ZMYM5: variants seen among roughly 807,000 people sequenced by gnomAD.
The protein encoded by ZMYM5 is zinc finger MYM-type containing 5, also known as zinc finger MYM-type protein 5.
A neutral mutation model predicts 61.8 loss-of-function variants in ZMYM5; 41 were observed. The ratio of observed to expected loss-of-function variants is 0.66; its 90% CI spans 0.52 to 0.86. The LOEUF (loss-of-function observed/expected upper bound fraction) is 0.86, where lower values mean the gene tolerates loss of function less well. ZMYM5 is among the 40% of genes least tolerant of loss of function. The pLI is 0.00. For synonymous variants in ZMYM5, 257 were observed against 276.4 expected, an observed-to-expected ratio of 0.93 and a Z score of 0.70; for missense variants, 706 against 786.7, an observed-to-expected ratio of 0.90 and a Z score of 1.23.
intron 7 of ZMYM5, among the ~76,000 whole-genome samples, chr13:19,834,973 C>T (rs1038629442): frequency 2.7e-5 from 4 of 149,784 alleles, no homozygotes; most frequent in Non-Finnish European, 4.4e-5. Flanking sequence ...GTGTTAGCCA[C>T]TGTGCCTGAT....
chr13:19,844,182 T>C (rs1368398091), intron 4 of ZMYM5, among the ~76,000 whole-genome samples: 1 of 149,882 alleles, frequency 6.7e-6, no homozygotes, highest in African/African-American at 2.5e-5. Flanking sequence ...GTGGTATGCA[T>C]ACCTGTAATC....
Position 19,851,966 on chromosome 13 carries a change from G to C in ZMYM5, c.215C>G (p.Ser72Cys). ...FIESIQPPSI[S>C]APAIADQRNF... Reference sequence around the variant, plus strand: ...TCTTTGATCAGCTATTGCTGGAGCAGAAATTGAAGGAGGTTGTATAGATTC... The same window carrying C: ...TCTTTGATCAGCTATTGCTGGAGCACAAATTGAAGGAGGTTGTATAGATTC... The change falls in exon 3 of 8, where the codon TCT becomes TGT. Residue 72 changes from serine (S) to cysteine (C), a missense_variant. Coordinates refer to ENST00000337963, the MANE Select transcript of ZMYM5 (RefSeq NM_001142684.2). 2.5e-6 allele frequency: 4 copies of C among 1,614,012 alleles called. No homozygotes were observed. Among genetic ancestry groups the C allele is most frequent in the Non-Finnish European group, 3.4e-6 (4 of 1,180,010 alleles).
At position 19,838,766 on chromosome 13, in the gene ZMYM5, G is replaced by C. The variant is rs200064159; in HGVS notation, c.806C>G (p.Ser269Cys). ...AGAGAAGGAAGAAAGGCAGGTGGTA[G>C]AGCAAAAGAGGTGAGCTGATCCTTT... ...QRKGSAHLFC[S>C]TTCLSSFSHK... The change falls in exon 5 of 8, where the codon TCT becomes TGT. Residue 269 changes from serine (S) to cysteine (C), a missense_variant. By Grantham distance (112) the Ser-to-Cys change is moderately radical (BLOSUM62 -1). Coordinates refer to ENST00000337963, the MANE Select transcript of ZMYM5 (RefSeq NM_001142684.2). 173 of 1,614,212 alleles carry C rather than the reference G, an allele frequency of 1.1e-4. No individual in the cohort carries two copies. Among genetic ancestry groups the C allele is most frequent in the Non-Finnish European group, 1.3e-4 (155 of 1,180,040 alleles).
At chr13:19,826,778 G>C (rs993521528) in intron 7 of ZMYM5, among the ~76,000 whole-genome samples, 1 of 149,194 alleles carries the variant, frequency 6.7e-6, no homozygotes, top group African/African-American at 2.5e-5. Flanking sequence ...AAAAAAAACT[G>C]TGTCCACACA....
At chr13:19,825,779 G>T (rs1890883748) in intron 7 of ZMYM5, among the ~76,000 whole-genome samples, 1 of 152,088 alleles carries the variant, frequency 6.6e-6, no homozygotes, top group Non-Finnish European at 1.5e-5. Flanking sequence ...GGTGACACAT[G>T]CCTATAATCC....
At chr13:19,825,304 T>C in intron 7 of ZMYM5, 69 bp from the exon 8 acceptor site, 1 of 1,148,354 alleles carries the variant, frequency 8.7e-7, no homozygotes. Flanking sequence ...ATTCAAATGC[T>C]CAATAAGCAC....
chr13:19,844,137 CAAAAAAAA>C (rs1228066138), intron 4 of ZMYM5, among the ~76,000 whole-genome samples: 1 of 65,542 alleles, frequency 1.5e-5, no homozygotes, highest in African/African-American at 5.0e-5. Context: ...GACTCCGTCT[CAAAAAAAA>C]AAAAAAAAAA....
chr13:19,830,329 C>G (rs1378031410), intron 7 of ZMYM5, among the ~76,000 whole-genome samples: 3 of 152,124 alleles, frequency 2.0e-5, no homozygotes, highest in Non-Finnish European at 4.4e-5. Context: ...AAATGTAAAA[C>G]ATTCTGATTA....
chr13:19,839,655 C>T (rs1008940075), intron 4 of ZMYM5, among the ~76,000 whole-genome samples: 3 of 152,138 alleles, frequency 2.0e-5, no homozygotes, highest in Admixed American at 6.6e-5. Flanking sequence ...GCATTACAGG[C>T]GTGAGCCACC....
At chr13:19,846,755 C>CT (rs557556647) in intron 4 of ZMYM5, among the ~76,000 whole-genome samples, 7 of 149,042 alleles carry the variant, frequency 4.7e-5, no homozygotes, top group Admixed American at 1.3e-4. Flanking sequence ...CAGTCCCCCC[C>CT]TTTTTTTTAA....
At chr13:19,834,328 ATATT>A (rs987116195) in intron 7 of ZMYM5, among the ~76,000 whole-genome samples, 41 of 149,032 alleles carry the variant, frequency 2.8e-4, no homozygotes, top group African/African-American at 7.8e-4. Flanking sequence ...TTTTCCAAAT[ATATT>A]TATTTTATAA....
At chr13:19,861,644 C>A (rs956901174) in intron 2 of ZMYM5, among the ~76,000 whole-genome samples, 1 of 151,982 alleles carries the variant, frequency 6.6e-6, no homozygotes, top group Non-Finnish European at 1.5e-5. Flanking sequence ...ACTGTTTGAT[C>A]AGGGTTGAAA....
intron 6 of ZMYM5, among the ~76,000 whole-genome samples, chr13:19,835,899 CTG>C (rs1952659732): frequency 6.6e-6 from 1 of 152,052 alleles, no homozygotes. Context: ...TCTCGGCTCA[CTG>C]CAACCTCTGC....
At chr13:19,841,815 C>T (rs547701560) in intron 4 of ZMYM5, 2 of 151,682 alleles carry the variant, frequency 1.3e-5, no homozygotes, top group East Asian at 3.9e-4. Flanking sequence ...AAATATAATC[C>T]TATTTTTTTT....
intron 2 of ZMYM5, among the ~76,000 whole-genome samples, chr13:19,858,891 T>A (rs186725576): frequency 1.8e-3 from 269 of 152,258 alleles, no homozygotes; most frequent in Non-Finnish European, 3.2e-3. Context: ...TTGAGAGATA[T>A]CTTCCCTCCC....
intron 7 of ZMYM5, among the ~76,000 whole-genome samples, chr13:19,826,046 T>TAAAAAAAAAAAAAAAAAAAAGAA (rs56181038): frequency 8.4e-6 from 1 of 118,890 alleles, no homozygotes; most frequent in Non-Finnish European, 1.7e-5. Flanking sequence ...ACTCCATGCT[T>TAAAAAAAAAAAAAAAAAAAAGAA]AAAAAAAAAA....
chr13:19,851,500 T>C, intron 3 of ZMYM5, 52 bp from the exon 4 acceptor site: 2 of 1,595,356 alleles, frequency 1.3e-6, no homozygotes, highest in South Asian at 1.1e-5. Flanking sequence ...CAAAATTACT[T>C]GACTGAAGTC....
chr13:19,858,460 T>C (rs1358349835), intron 2 of ZMYM5, among the ~76,000 whole-genome samples: 1 of 151,190 alleles, frequency 6.6e-6, no homozygotes, highest in African/African-American at 2.4e-5. Context: ...TGGCACATGG[T>C]TGTGGTCCCA....
chr13:19,825,886 C>A (rs1336119660), intron 7 of ZMYM5, among the ~76,000 whole-genome samples: 2 of 151,690 alleles, frequency 1.3e-5, no homozygotes, highest in Non-Finnish European at 2.9e-5. Flanking sequence ...GCTAAAAATA[C>A]AAAATTTAGC....
Sources: allele counts gnomAD v4.1 joint callset (sites outside exome capture counted in the v4.1 genomes callset), GRCh38; gene constraint gnomAD v4.1.1; transcripts MANE v1.5; gene names NCBI Gene and HGNC (gene_info 2026-07-23, HGNC 2026-07-21).